The following NDUFA10 variants were observed in gnomAD, a reference collection of about 807,000 sequenced individuals.
NDUFA10 encodes the protein NADH dehydrogenase [ubiquinone] 1 alpha subcomplex subunit 10, mitochondrial.
NDUFA10 carries 40 observed loss-of-function variants against 47.8 expected under a neutral mutation model. That is an observed-to-expected ratio of 0.84 (90% CI 0.65 to 1.09). The LOEUF (loss-of-function observed/expected upper bound fraction) is 1.09. Ranked by LOEUF, NDUFA10 falls within the 50% of genes least tolerant of loss-of-function variation. The pLI is 0.00. For missense variants in NDUFA10, 413 were observed against 451.1 expected, an observed-to-expected ratio of 0.92 and a Z score of 0.76; for synonymous variants, 183 against 172.2, an observed-to-expected ratio of 1.06 and a Z score of -0.49.
In NDUFA10 at chr2:239,947,003, T is replaced by A. The variant is rs542709649; in HGVS notation, c.294+43071A>T. Among the ~76,000 whole-genome samples the A allele has an allele frequency of 3.3e-5, 5 of 152,346 alleles. No individual in the cohort carries two copies. In the South Asian group the frequency reaches 1.0e-3, roughly 32 times the overall value. ...GCCAGGGCAGTGTCCAGGAGACGGATGCCCAGCCCATGGTGGTGGGTGCTG... is the reference window on the plus strand; with the variant it reads ...GCCAGGGCAGTGTCCAGGAGACGGAAGCCCAGCCCATGGTGGTGGGTGCTG... On this transcript the variant is annotated intron_variant, in intron 4 of 5. Transcript: ENST00000419408.
intron 8 of NDUFA10, among the ~76,000 whole-genome samples, chr2:240,004,956 C>T (rs993080133): frequency 6.6e-6 from 1 of 152,288 alleles, no homozygotes; most frequent in South Asian, 2.1e-4. Flanking sequence ...TTTTATCTGA[C>T]ACTATATCTC....
At chr2:239,936,026 G>T (rs535782138) in intron 4 of NDUFA10, among the ~76,000 whole-genome samples, 5 of 152,254 alleles carry the variant, frequency 3.3e-5, no homozygotes, top group South Asian at 2.1e-4. Flanking sequence ...TATTACTCCC[G>T]GCTCCCCCAG....
intron 2 of NDUFA10, among the ~76,000 whole-genome samples, chr2:240,021,906 T>C (rs1399181709): frequency 6.6e-6 from 1 of 152,200 alleles, no homozygotes; most frequent in Non-Finnish European, 1.5e-5. Flanking sequence ...AGTGCCCTGC[T>C]TACACTGCCC....
chr2:239,899,559 C>T (rs1256861177), intron 4 of NDUFA10, among the ~76,000 whole-genome samples: 1 of 151,848 alleles, frequency 6.6e-6, no homozygotes, highest in African/African-American at 2.4e-5. Flanking sequence ...CTAGAGCTTC[C>T]AGGCCAGGTA....
chr2:239,946,112 C>T (rs1206418691), intron 4 of NDUFA10, among the ~76,000 whole-genome samples: 8 of 152,178 alleles, frequency 5.3e-5, no homozygotes, highest in Non-Finnish European at 1.2e-4. Flanking sequence ...TGTGTGTGTT[C>T]GGCCCCTGCT....
chr2:239,893,251 T>C (rs928952524), intron 5 of NDUFA10, among the ~76,000 whole-genome samples: 3 of 152,126 alleles, frequency 2.0e-5, no homozygotes, highest in African/African-American at 7.2e-5. Flanking sequence ...GAGAACTGGA[T>C]CATGATCGCA....
intron 3 of NDUFA10, among the ~76,000 whole-genome samples, chr2:240,019,387 A>T (rs1434163414): frequency 6.6e-6 from 1 of 152,264 alleles, no homozygotes; most frequent in Non-Finnish European, 1.5e-5. Flanking sequence ...AGATGGGAGC[A>T]AGCTGCACTT....
At chr2:239,991,808 CT>C (rs1465587891) in intron 8 of NDUFA10, among the ~76,000 whole-genome samples, 1 of 152,160 alleles carries the variant, frequency 6.6e-6, no homozygotes, top group Non-Finnish European at 1.5e-5. Context: ...TGACATGGTT[CT>C]CTTTACAGTT....
intron 4 of NDUFA10, among the ~76,000 whole-genome samples, chr2:239,924,706 G>A (rs1694041455): frequency 1.3e-5 from 2 of 152,054 alleles, no homozygotes; most frequent in African/African-American, 4.8e-5. Context: ...ATCCTAACTA[G>A]AGTAGTAAGT....
intron 8 of NDUFA10, among the ~76,000 whole-genome samples, chr2:240,004,521 A>AC (rs56271611): frequency 0.16 from 23,284 of 144,770 alleles, 1,857 homozygotes; most frequent in Non-Finnish European, 0.19. Flanking sequence ...TCCTAGTCCT[A>AC]CCCCCTTCTG....
intron 9 of NDUFA10, among the ~76,000 whole-genome samples, chr2:239,975,580 G>C (rs1026831382): frequency 4.6e-5 from 7 of 152,172 alleles, no homozygotes; most frequent in African/African-American, 1.4e-4. Flanking sequence ...GTGTCTTCTT[G>C]TGGCAACAGC....
chr2:240,019,835 AAAAAAAAAAAAAAAG>A (rs2106498536), intron 3 of NDUFA10, among the ~76,000 whole-genome samples: 1 of 150,530 alleles, frequency 6.6e-6, no homozygotes, highest in Non-Finnish European at 1.5e-5. Context: ...AAAAAAAAAA[AAAAAAAAAAAAAAAG>A]AACGTGGAGT....
intron 9 of NDUFA10, among the ~76,000 whole-genome samples, chr2:239,980,427 G>C (rs1214419648): frequency 6.6e-6 from 1 of 152,180 alleles, no homozygotes. Flanking sequence ...TCTTTGATCA[G>C]CCAGGTTTCC....
intron 8 of NDUFA10, among the ~76,000 whole-genome samples, chr2:239,995,842 G>A (rs1696451601): frequency 6.6e-6 from 1 of 152,148 alleles, no homozygotes; most frequent in African/African-American, 2.4e-5. Context: ...CGAAAAAGAG[G>A]GGCATTACAT....
intron 4 of NDUFA10, among the ~76,000 whole-genome samples, chr2:239,935,804 A>C (rs568885377): frequency 2.6e-5 from 4 of 152,172 alleles, no homozygotes; most frequent in African/African-American, 2.4e-5. Flanking sequence ...CATGTAAGAC[A>C]TGCCTTTCAC....
intron 4 of NDUFA10, among the ~76,000 whole-genome samples, chr2:239,895,836 G>A (rs10211331): frequency 0.13 from 19,277 of 152,242 alleles, 1,343 homozygotes; most frequent in South Asian, 0.18. Context: ...GATACTGGCC[G>A]TGCTACTGCC....
chr2:239,948,888 A>T (rs185612466), intron 4 of NDUFA10, among the ~76,000 whole-genome samples: 1 of 152,354 alleles, frequency 6.6e-6, no homozygotes, highest in Non-Finnish European at 1.5e-5. Context: ...CAGTTCACAC[A>T]AAGATAAAGC....
intron 4 of NDUFA10, among the ~76,000 whole-genome samples, chr2:239,897,617 G>A (rs1693421156): frequency 6.6e-6 from 1 of 152,222 alleles, no homozygotes. Context: ...GGGCCGAAGA[G>A]AGTCCCAGGC....
chr2:239,907,557 A>G (rs7355732), intron 4 of NDUFA10, among the ~76,000 whole-genome samples: 24,115 of 152,232 alleles, frequency 0.16, 1,974 homozygotes, highest in South Asian at 0.19. Flanking sequence ...ACAAGAAAAA[A>G]TCAAACAACC....
Sources: allele counts gnomAD v4.1 joint callset (sites outside exome capture counted in the v4.1 genomes callset), GRCh38; gene constraint gnomAD v4.1.1; transcripts MANE v1.5; gene names NCBI Gene and HGNC (gene_info 2026-07-23, HGNC 2026-07-21).